SSPN: variants seen among roughly 807,000 people sequenced by gnomAD.
SSPN encodes the protein sarcospan.
A neutral mutation model predicts 19.1 loss-of-function variants in SSPN; 15 were observed. That is an observed-to-expected ratio of 0.78 (90% CI 0.52 to 1.21). The LOEUF is 1.21. SSPN is among the 50% of genes most tolerant of loss of function. The probability of loss-of-function intolerance (pLI) is 0.00; values close to 1 mark genes in which losing one functional copy is unlikely to be tolerated. For missense variants in SSPN, 291 were observed against 314.0 expected (o/e 0.93, Z 0.55); for synonymous variants, 147 against 140.3 (o/e 1.05, Z -0.34).
upstream of SSPN, among the ~76,000 whole-genome samples, chr12:26,194,836 A>T (rs1248011875): frequency 2.6e-5 from 4 of 152,122 alleles, no homozygotes; most frequent in African/African-American, 4.8e-5. Context: ...AAAAAATTTT[A>T]AAAAATTAGC....
chr12:26,143,818 C>G (rs1450494072), intron 1 of SSPN, among the ~76,000 whole-genome samples: 1 of 152,198 alleles, frequency 6.6e-6, no homozygotes, highest in Admixed American at 6.5e-5. Context: ...AGCTGCTCCC[C>G]TTTGCTTGCA....
At chr12:26,207,573 A>C (rs1021516274) in intron 1 of SSPN, among the ~76,000 whole-genome samples, 2 of 152,138 alleles carry the variant, frequency 1.3e-5, no homozygotes, top group African/African-American at 2.4e-5. Flanking sequence ...CATAACCAAC[A>C]TGTCATATTT....
intron 1 of SSPN, among the ~76,000 whole-genome samples, chr12:26,177,322 C>T (rs760937736): frequency 1.4e-4 from 22 of 152,310 alleles, no homozygotes; most frequent in Middle Eastern, 3.4e-3. Context: ...CTGAAACCCT[C>T]GGACATGGTG....
At chr12:26,183,410 G>A (rs1236926119) in intron 1 of SSPN, among the ~76,000 whole-genome samples, 5 of 152,092 alleles carry the variant, frequency 3.3e-5, no homozygotes, top group African/African-American at 9.7e-5. Context: ...CACTGCGCCC[G>A]GTCCCAAACT....
intron 1 of SSPN, chr12:26,180,263 A>G (rs1486386886): frequency 6.6e-6 from 1 of 152,218 alleles, no homozygotes; most frequent in East Asian, 1.9e-4. Context: ...GACCTTGCAA[A>G]TTCAAGATCT....
In SSPN at chr12:26,202,959, C is replaced by T. The variant is rs2137467159; in HGVS notation, c.279+7008C>T. ...GGCTGAGGAGGCCTCAGGAAACTTACAATCATGGCAGAAGGCAAAGGAGAA... is the reference window on the plus strand; with the variant it reads ...GGCTGAGGAGGCCTCAGGAAACTTATAATCATGGCAGAAGGCAAAGGAGAA... On this transcript the variant is annotated intron_variant, in intron 1 of 2. Transcript: ENST00000242729. Among the ~76,000 whole-genome samples the T allele has an allele frequency of 1.3e-5, 2 of 152,238 alleles. 1 individual carries two copies. Among genetic ancestry groups the T allele is most frequent in the South Asian group, 4.1e-4 (2 of 4,822 alleles).
chr12:26,166,177 C>T (rs375684571), intron 1 of SSPN, among the ~76,000 whole-genome samples: 87 of 152,134 alleles, frequency 5.7e-4, no homozygotes, highest in African/African-American at 1.6e-3. Context: ...ATGTAGATGA[C>T]GGTTGATGAG....
At chr12:26,186,108 C>T (rs1024085109) in intron 1 of SSPN, among the ~76,000 whole-genome samples, 10 of 152,106 alleles carry the variant, frequency 6.6e-5, no homozygotes, top group Non-Finnish European at 1.2e-4. Context: ...CCTTAAGGGA[C>T]GGCAAGTGTT....
At chr12:26,204,292 A>T (rs1944912087) in intron 1 of SSPN, among the ~76,000 whole-genome samples, 1 of 152,156 alleles carries the variant, frequency 6.6e-6, no homozygotes, top group Non-Finnish European at 1.5e-5. Flanking sequence ...ATATGGAGGA[A>T]GCTGTTTTCA....
At chr12:26,127,444 T>C (rs1944373029) in intron 1 of SSPN, among the ~76,000 whole-genome samples, 1 of 152,202 alleles carries the variant, frequency 6.6e-6, no homozygotes, top group African/African-American at 2.4e-5. Flanking sequence ...TTGAGGCTCC[T>C]CTCTCCCCCC....
In SSPN at chr12:26,163,785, G is replaced by A. The variant is rs151094434; in HGVS notation, c.-31+41633G>A. On this transcript the variant is annotated intron_variant, in intron 1 of 2. Transcript: ENST00000538142. ...AGAGATAAAGACATTCAAACCATGG[G>A]TTTATAATTCTTTAAATACTGATAT... 1.2e-4 allele frequency among the ~76,000 whole-genome samples: 19 copies of A among 152,150 alleles called. No individual in the cohort carries two copies. The East Asian group carries it at 2.9e-3, about 23-fold the overall frequency.
At chr12:26,137,064 G>A (rs924122869) in intron 1 of SSPN, among the ~76,000 whole-genome samples, 3 of 152,258 alleles carry the variant, frequency 2.0e-5, no homozygotes, top group South Asian at 2.1e-4. Flanking sequence ...GACTTTTATG[G>A]CAGTTACTCT....
intron 1 of SSPN, among the ~76,000 whole-genome samples, chr12:26,128,709 A>G (rs1385834344): frequency 6.6e-6 from 1 of 152,258 alleles, no homozygotes; most frequent in East Asian, 1.9e-4. Context: ...AAGAAGATAC[A>G]AGATGAGCTC....
intron 1 of SSPN, among the ~76,000 whole-genome samples, chr12:26,216,073 A>G (rs1382829851): frequency 2.6e-5 from 4 of 152,278 alleles, no homozygotes; most frequent in South Asian, 2.1e-4. Flanking sequence ...GGGGCTTAAC[A>G]CTCTGTAAAT....
chr12:26,184,854 C>T (rs1430582219), intron 1 of SSPN, among the ~76,000 whole-genome samples: 1 of 151,896 alleles, frequency 6.6e-6, no homozygotes, highest in Non-Finnish European at 1.5e-5. Context: ...CATGAGAAGA[C>T]AACAAAAATA....
chr12:26,129,823 A>C (rs1184995314), intron 1 of SSPN, among the ~76,000 whole-genome samples: 1 of 152,212 alleles, frequency 6.6e-6, no homozygotes, highest in Non-Finnish European at 1.5e-5. Flanking sequence ...ATTAGAAATA[A>C]ATTTTATTTC....
chr12:26,167,410 ACTGT>A (rs1404084800), intron 1 of SSPN, among the ~76,000 whole-genome samples: 2 of 152,202 alleles, frequency 1.3e-5, no homozygotes, highest in East Asian at 3.8e-4. Context: ...TAAGACTGAA[ACTGT>A]CTGGTGGGGT....
At chr12:26,225,673 A>G (rs900375396) in intron 2 of SSPN, among the ~76,000 whole-genome samples, 1 of 151,476 alleles carries the variant, frequency 6.6e-6, no homozygotes, top group Non-Finnish European at 1.5e-5. Flanking sequence ...AAAGAAGGCC[A>G]GATAGAGTAG....
intron 1 of SSPN, among the ~76,000 whole-genome samples, chr12:26,165,745 T>A (rs1944616842): frequency 6.6e-6 from 1 of 152,226 alleles, no homozygotes; most frequent in African/African-American, 2.4e-5. Context: ...TTTTTGTTCA[T>A]CATTATCAAC....
Sources: allele counts gnomAD v4.1 joint callset (sites outside exome capture counted in the v4.1 genomes callset), GRCh38; gene constraint gnomAD v4.1.1; transcripts MANE v1.5; gene names NCBI Gene and HGNC (gene_info 2026-07-23, HGNC 2026-07-21).